TMOD4: variants seen among roughly 807,000 people sequenced by gnomAD.
The protein encoded by TMOD4 is tropomodulin-4.
A neutral mutation model predicts 45.4 loss-of-function variants in TMOD4; 34 were observed. The ratio of observed to expected loss-of-function variants is 0.75; its 90% CI spans 0.57 to 1.00. TMOD4 has a LOEUF of 1.00. TMOD4 is among the 50% of genes least tolerant of loss of function. TMOD4 has a pLI of 0.00. For synonymous variants in TMOD4, 131 were observed against 153.9 expected (o/e 0.85, Z 1.10); for missense variants, 399 against 437.5 (o/e 0.91, Z 0.78).
In TMOD4 at chr1:151,173,501, G is replaced by C. The variant is rs1684016592; in HGVS notation, c.395C>G (p.Ala132Gly). 2 of 1,612,964 alleles carry C rather than the reference G, an allele frequency of 1.2e-6. No homozygotes were observed. Among genetic ancestry groups the C allele is most frequent in the Non-Finnish European group, 8.5e-7 (1 of 1,179,120 alleles). Residue 132 changes from alanine (A) to glycine (G), a missense_variant and splice_region_variant, in exon 4 of 10, where the codon GCA becomes GGA. Transcript: ENST00000295314. ...CTCAACTTCCCACAGCTACCCACCTGCAATGTCACACATTTCAGCATCTGT... is the reference window on the plus strand; with the variant it reads ...CTCAACTTCCCACAGCTACCCACCTCCAATGTCACACATTTCAGCATCTGT... ...HATDAEMCDI[A>G]AILDMYTLMS...
chr1:151,170,332 C>A, intron 9 of TMOD4, 187 bp downstream of exon 9: 1 of 899,204 alleles, frequency 1.1e-6, no homozygotes. Context: ...TACCTCTCTA[C>A]TGGTCCATAT....
intron 8 of TMOD4, 84 bp from the exon 9 acceptor site, chr1:151,170,747 A>G (rs4970942): frequency 0.012 from 18,970 of 1,561,394 alleles, 135 homozygotes; most frequent in Non-Finnish European, 0.014. Flanking sequence ...TGGGAGGTCA[A>G]AGAAGCTTGT....
chr1:151,174,256 G>A (rs1036259955), intron 3 of TMOD4, 135 bp downstream of exon 3: 8 of 881,780 alleles, frequency 9.1e-6, no homozygotes, highest in South Asian at 1.6e-5. Context: ...GTGCAAGCTC[G>A]CATTTAAGTG....
intron 2 of TMOD4, 84 bp from the exon 3 acceptor site, chr1:151,174,631 CT>C: frequency 6.3e-7 from 1 of 1,594,610 alleles, no homozygotes; most frequent in Non-Finnish European, 8.5e-7. Flanking sequence ...CACCGGACAC[CT>C]TTCCCCTGGC....
Position 151,172,331 on chromosome 1 carries a change from T to C in TMOD4, c.424A>G (p.Ser142Gly), listed in dbSNP as rs1260020447. The stretch of plus-strand genomic sequence containing the variant: ...AGGGCATCATAGTATTGCTTGTTAC[T>C]CATCAGTGTGTACATGTCCAGAATT... ...AAILDMYTLM[S>G]NKQYYDALCS... The change falls in exon 5 of 10, where the codon AGT (serine) becomes GGT (glycine). Residue 142 changes from serine (S) to glycine (G), a missense_variant. Coordinates refer to ENST00000295314, the MANE Select transcript of TMOD4 (RefSeq NM_013353.3). 6.2e-7 allele frequency: 1 copy of C among 1,613,760 alleles called. No homozygotes were observed. Among genetic ancestry groups the C allele is most frequent in the Admixed American group, 1.7e-5 (1 of 60,008 alleles).
chr1:151,171,376 A>T, intron 7 of TMOD4, 57 bp downstream of exon 7: 3 of 1,497,558 alleles, frequency 2.0e-6, no homozygotes, highest in Non-Finnish European at 2.8e-6. Flanking sequence ...TATGACAGCC[A>T]TGCAACAGGT....
chr1:151,174,417 A>T lies in TMOD4; in HGVS notation c.254T>A (p.Leu85Ter). The T allele has an allele frequency of 6.2e-7, 1 of 1,614,082 alleles. No homozygotes were observed. The highest frequency in any genetic ancestry group is 8.5e-7 in the Non-Finnish European group (1 of 1,180,010). ...CTTCTTCTCGCCTGTGAAGGGCACC[A>T]AGTCATCACGCTCTTTGACTTCTAG... ...QALEVKERDD[L>*]VPFTGEKKGK... Residue 85 changes from leucine (L) to a stop codon, truncating the protein, a stop_gained, in exon 3 of 10, where the codon TTG (leucine) becomes TAG (stop). Coordinates refer to ENST00000295314, the MANE Select transcript of TMOD4 (RefSeq NM_013353.3). LOFTEE classifies it high-confidence loss of function.
chr1:151,173,447 A>G, intron 4 of TMOD4, 52 bp downstream of exon 4: 1 of 1,413,068 alleles, frequency 7.1e-7, no homozygotes, highest in Non-Finnish European at 1.0e-6. Context: ...TGTCATGGCT[A>G]GAATCCACCT....
At chr1:151,172,226 C>T (rs1218323329) in intron 5 of TMOD4, 42 bp downstream of exon 5, 2 of 1,515,698 alleles carry the variant, frequency 1.3e-6, no homozygotes, top group Admixed American at 1.7e-5. Flanking sequence ...CTAGGACTGC[C>T]TGCCCAGAGC....
At position 151,174,374 on chromosome 1, in the gene TMOD4, T is replaced by C. The variant is rs768064847; in HGVS notation, c.280+17A>G. Reference sequence around the variant, plus strand: ...CCACTTGGGTTCTACGAGGCATGGATGTCAGGGTCCCCATACCCTTCTTCT... The same window carrying C: ...CCACTTGGGTTCTACGAGGCATGGACGTCAGGGTCCCCATACCCTTCTTCT... On this transcript the variant is annotated intron_variant, in intron 3 of 9. Coordinates refer to ENST00000295314, the MANE Select transcript of TMOD4 (RefSeq NM_013353.3). 1.2e-5 allele frequency: 20 copies of C among 1,611,506 alleles called. No homozygotes were observed. Among genetic ancestry groups the C allele is most frequent in the Non-Finnish European group, 1.7e-5 (20 of 1,178,156 alleles).
chr1:151,172,433 A>C, intron 4 of TMOD4, 76 bp from the exon 5 acceptor site: 2 of 1,195,346 alleles, frequency 1.7e-6, no homozygotes, highest in African/African-American at 1.5e-5. Flanking sequence ...CTATTTCTGA[A>C]TCTGTTGCAT....
intron 4 of TMOD4, among the ~76,000 whole-genome samples, 179 bp downstream of exon 4, chr1:151,173,320 G>T (rs944978306): frequency 1.1e-4 from 17 of 152,104 alleles, no homozygotes; most frequent in African/African-American, 4.1e-4. Flanking sequence ...TGCTCTTGAG[G>T]TGTTATTAAA....
chr1:151,171,100 G>A lies in TMOD4; in HGVS notation c.727-37C>T, dbSNP rs748042190. The A allele has an allele frequency of 2.5e-6, 4 of 1,606,836 alleles. No homozygotes were observed. The Admixed American group carries it at 5.1e-5, about 20-fold the overall frequency. On this transcript the variant is annotated intron_variant, in intron 7 of 9. Coordinates refer to ENST00000295314, the MANE Select transcript of TMOD4 (RefSeq NM_013353.3). Reference sequence around the variant, plus strand: ...GGACTTGGGTTAGGATTAGGGAACAGTTTCACAGATGACTGAGGAAAGAAA... The same window carrying A: ...GGACTTGGGTTAGGATTAGGGAACAATTTCACAGATGACTGAGGAAAGAAA...
At chr1:151,171,185 G>C in intron 7 of TMOD4, 122 bp from the exon 8 acceptor site, 1 of 1,130,968 alleles carries the variant, frequency 8.8e-7, no homozygotes, top group Non-Finnish European at 1.3e-6. Context: ...GCTGTAAATG[G>C]AGCTAGAGGG....
In TMOD4 at chr1:151,170,087, C is replaced by T. The variant is rs1217351894; in HGVS notation, c.1032G>A (p.Lys344=). Residue 344 remains lysine (K), a synonymous_variant, in exon 10 of 10, where the codon AAG becomes AAA. Transcript: ENST00000295314. ...RNNELRRQQK[K]R ...GGTAAAGGGAAATGCAGTGTTATCTCTTCTTTTGCTGGCGACCTGTAAAGG... is the reference window on the plus strand; with the variant it reads ...GGTAAAGGGAAATGCAGTGTTATCTTTTCTTTTGCTGGCGACCTGTAAAGG... The T allele has an allele frequency of 1.2e-6, 2 of 1,614,072 alleles. No individual in the cohort carries two copies. The highest frequency in any genetic ancestry group is 1.3e-5 in the African/African-American group (1 of 74,922).
In TMOD4 at chr1:151,171,057, C is replaced by T. The variant is rs962940624; in HGVS notation, c.733G>A (p.Ala245Thr). ...RSGDPIANAV[A>T]DMLRENRSLQ... The stretch of plus-strand genomic sequence containing the variant: ...CTACGATTCTCACGCAACATGTCAG[C>T]CACTGCCTGGGTAGTAGGGACTTGG... Residue 245 changes from alanine to threonine, a missense_variant, in exon 8 of 10, where the codon GCT (alanine) becomes ACT (threonine). Physicochemically the swap from Ala to Thr is moderately conservative, Grantham distance 58. Transcript: ENST00000295314. The T allele has an allele frequency of 2.5e-6, 4 of 1,613,868 alleles. No individual in the cohort carries two copies. The highest frequency in any genetic ancestry group is 2.5e-6 in the Non-Finnish European group (3 of 1,179,960).
At chr1:151,171,099 A>C in intron 7 of TMOD4, 36 bp from the exon 8 acceptor site, 1 of 1,607,110 alleles carries the variant, frequency 6.2e-7, no homozygotes, top group East Asian at 2.2e-5. Context: ...ATTAGGGAAC[A>C]GTTTCACAGA....
rs371771240 is a variant in TMOD4 at position 151,173,611 on chromosome 1, T to C, written c.285A>G (p.Lys95=). The part of the protein sequence containing the change: ...LVPFTGEKKG[K]PYIQPKREIP... Reference sequence around the variant, plus strand: ...TTTCCCTCTTGGGCTGAATATAGGGTTTCCCTGATGGGGAGATGAAGGATG... The same window carrying C: ...TTTCCCTCTTGGGCTGAATATAGGGCTTCCCTGATGGGGAGATGAAGGATG... The change falls in exon 4 of 10, where the codon AAA becomes AAG. Residue 95 remains lysine (K), a synonymous_variant. Coordinates refer to ENST00000295314, the MANE Select transcript of TMOD4 (RefSeq NM_013353.3). 2.5e-5 allele frequency: 41 copies of C among 1,613,054 alleles called. No individual in the cohort carries two copies. In the African/African-American group the frequency reaches 5.1e-4, roughly 20 times the overall value.
intron 2 of TMOD4, 65 bp from the exon 3 acceptor site, chr1:151,174,612 C>T: frequency 6.3e-7 from 1 of 1,599,540 alleles, no homozygotes; most frequent in Non-Finnish European, 8.5e-7. Context: ...CTAGGGCTCC[C>T]TAAAACATCA....
Sources: allele counts gnomAD v4.1 joint callset (sites outside exome capture counted in the v4.1 genomes callset), GRCh38; gene constraint gnomAD v4.1.1; transcripts MANE v1.5; gene names NCBI Gene and HGNC (gene_info 2026-07-23, HGNC 2026-07-21).